Variants in ABCC9 observed in about 807,000 individuals in gnomAD.
The protein encoded by ABCC9 is ATP-binding cassette sub-family C member 9.
In ABCC9, 95 loss-of-function variants were observed where a neutral mutation model predicts 188.3. The ratio of observed to expected loss-of-function variants is 0.50; its 90% CI spans 0.43 to 0.60. The LOEUF (loss-of-function observed/expected upper bound fraction) is 0.60, where lower values mean the gene tolerates loss of function less well. Ranked by LOEUF, ABCC9 falls within the 20% of genes least tolerant of loss-of-function variation. The probability of loss-of-function intolerance (pLI) is 0.00; values close to 1 mark genes in which losing one functional copy is unlikely to be tolerated. For synonymous variants in ABCC9, 659 were observed against 652.7 expected (o/e 1.01, Z -0.15); for missense variants, 1,102 against 1,876.3 (o/e 0.59, Z 7.62).
At position 21,852,089 on chromosome 12, in the gene ABCC9, GCACTTAC is replaced by G; in HGVS notation, c.2769+1_2769+7del. The G allele has an allele frequency of 6.2e-7, 1 of 1,613,428 alleles. No individual in the cohort carries two copies. The highest frequency in any genetic ancestry group is 8.5e-7 in the Non-Finnish European group (1 of 1,179,762). On this transcript the variant is annotated splice_donor_variant and splice_donor_5th_base_variant and intron_variant, in intron 24 of 39. Transcript: ENST00000261200. LOFTEE classifies it high-confidence loss of function. ...GGCTCTGAACTCTTCTGAACTATGA[GCACTTAC>G]CTTTTCTAATTCTTGATCTTGCCGA...
intron 14 of ABCC9, among the ~76,000 whole-genome samples, chr12:21,893,557 A>G (rs1380028978): frequency 2.0e-5 from 3 of 152,200 alleles, no homozygotes; most frequent in African/African-American, 7.2e-5. Context: ...AAAGATGTGC[A>G]TATTATTAGA....
chr12:21,934,079 T>C (rs1174158263), intron 3 of ABCC9, among the ~76,000 whole-genome samples, 156 bp from the exon 4 acceptor site: 1 of 152,116 alleles, frequency 6.6e-6, no homozygotes, highest in Non-Finnish European at 1.5e-5. Context: ...TAGTCTATTT[T>C]CATTATTCAA....
intron 37 of ABCC9, among the ~76,000 whole-genome samples, chr12:21,808,850 A>C (rs1238901582): frequency 6.6e-6 from 1 of 151,964 alleles, no homozygotes; most frequent in Non-Finnish European, 1.5e-5. Context: ...TATTTTCACA[A>C]CCTGACCCTG....
At chr12:21,829,175 A>C in intron 30 of ABCC9, 115 bp from the exon 31 acceptor site, 1 of 507,180 alleles carries the variant, frequency 2.0e-6, no homozygotes, top group Non-Finnish European at 3.8e-6. Context: ...GCATGGAATG[A>C]TCAGTAAATA....
chr12:21,908,398 G>C (rs1337477137), intron 10 of ABCC9, among the ~76,000 whole-genome samples, 187 bp from the exon 11 acceptor site: 1 of 151,834 alleles, frequency 6.6e-6, no homozygotes, highest in Non-Finnish European at 1.5e-5. Context: ...GTGACAGTTG[G>C]GTTTTACTCT....
At chr12:21,819,770 A>G (rs542273691) in intron 31 of ABCC9, among the ~76,000 whole-genome samples, 1 of 152,342 alleles carries the variant, frequency 6.6e-6, no homozygotes, top group Non-Finnish European at 1.5e-5. Context: ...CAAAGGTTAA[A>G]GCAGGCACTA....
At chr12:21,935,776 A>T (rs773753732) in intron 3 of ABCC9, among the ~76,000 whole-genome samples, 17 of 152,060 alleles carry the variant, frequency 1.1e-4, no homozygotes, top group Non-Finnish European at 2.2e-4. Context: ...CTCAATGGAT[A>T]TTTATTATAT....
At chr12:21,814,531 A>G (rs1042563557) in intron 35 of ABCC9, 113 bp downstream of exon 35, 1 of 864,702 alleles carries the variant, frequency 1.2e-6, no homozygotes. Context: ...CCATGTGTAG[A>G]GCACAAAGTC....
intron 30 of ABCC9, among the ~76,000 whole-genome samples, chr12:21,837,267 G>A (rs1223250920): frequency 1.3e-5 from 2 of 152,272 alleles, no homozygotes; most frequent in Non-Finnish European, 2.9e-5. Context: ...GCTTCATGAT[G>A]CCGCCTACAT....
intron 13 of ABCC9, 148 bp downstream of exon 13, chr12:21,895,127 C>G (rs1274106208): frequency 1.5e-6 from 1 of 688,658 alleles, no homozygotes; most frequent in Non-Finnish European, 2.4e-6. Flanking sequence ...CTGAGAAACC[C>G]TGGATTAGAA....
At chr12:21,852,018 A>T (rs1263658923) in intron 24 of ABCC9, 79 bp downstream of exon 24, 1 of 1,541,362 alleles carries the variant, frequency 6.5e-7, no homozygotes, top group Non-Finnish European at 8.9e-7. Flanking sequence ...GTAATTTTTT[A>T]AAAAGCATTC....
intron 15 of ABCC9, 87 bp from the exon 16 acceptor site, chr12:21,882,960 G>T: frequency 1.0e-6 from 1 of 994,200 alleles, no homozygotes; most frequent in Non-Finnish European, 1.6e-6. Context: ...TGCTACCTAA[G>T]TTCCAAGAAA....
chr12:21,890,828 G>A (rs1287315106), intron 14 of ABCC9, among the ~76,000 whole-genome samples: 1 of 151,860 alleles, frequency 6.6e-6, no homozygotes, highest in Admixed American at 6.6e-5. Context: ...TGTGGGGTGG[G>A]GGGATGGGGG....
intron 30 of ABCC9, among the ~76,000 whole-genome samples, chr12:21,837,467 T>C (rs141712187): frequency 7.9e-4 from 121 of 152,346 alleles, no homozygotes; most frequent in African/African-American, 2.8e-3. Context: ...CTAGATTAAA[T>C]GAAATTTTCA....
At chr12:21,894,869 G>A (rs2137744461) in intron 13 of ABCC9, among the ~76,000 whole-genome samples, 1 of 152,310 alleles carries the variant, frequency 6.6e-6, no homozygotes, top group South Asian at 2.1e-4. Context: ...TATTGATCTA[G>A]CTCCATCTTG....
intron 37 of ABCC9, among the ~76,000 whole-genome samples, chr12:21,808,794 A>C (rs537706263): frequency 6.6e-6 from 1 of 151,528 alleles, no homozygotes; most frequent in Non-Finnish European, 1.5e-5. Context: ...AAAAAAAAAA[A>C]AAAAAGAAAA....
At position 21,852,348 on chromosome 12, in the gene ABCC9, A is replaced by G. The variant is rs762140798; in HGVS notation, c.2643+20T>C. ...TGACTATAATATAAAAATGAGCAAAATTCTCTTCTAAACTCTTACCCAGTC... is the reference window on the plus strand; with the variant it reads ...TGACTATAATATAAAAATGAGCAAAGTTCTCTTCTAAACTCTTACCCAGTC... On this transcript the variant is annotated intron_variant, in intron 23 of 39. Transcript: ENST00000261200. 8 of 1,613,816 alleles carry G rather than the reference A, an allele frequency of 5.0e-6. No homozygotes were observed. The highest frequency in any genetic ancestry group is 6.8e-6 in the Non-Finnish European group (8 of 1,179,894).
At chr12:21,834,712 A>G (rs968180833) in intron 30 of ABCC9, among the ~76,000 whole-genome samples, 1 of 151,822 alleles carries the variant, frequency 6.6e-6, no homozygotes, top group Non-Finnish European at 1.5e-5. Flanking sequence ...TCATATATAT[A>G]TATCCAGAAG....
chr12:21,866,409 T>C (rs1229783324), intron 18 of ABCC9, among the ~76,000 whole-genome samples: 1 of 152,196 alleles, frequency 6.6e-6, no homozygotes, highest in Non-Finnish European at 1.5e-5. Context: ...CTCACAGATT[T>C]GACTCAGTCA....
Sources: gnomAD v4.1 joint callset for allele counts (sites outside exome capture counted in the v4.1 genomes callset) on GRCh38, gnomAD v4.1.1 for gene constraint, MANE v1.5 for transcripts, NCBI Gene and HGNC (gene_info 2026-07-23, HGNC 2026-07-21) for gene names.